DYM: variants seen among roughly 807,000 people sequenced by gnomAD.
DYM encodes the protein dymeclin.
Under a neutral mutation model 93.1 loss-of-function variants are expected in DYM, and 78 were observed. The ratio of observed to expected loss-of-function variants is 0.84; its 90% CI spans 0.70 to 1.01. The LOEUF (loss-of-function observed/expected upper bound fraction) is 1.01, where lower values mean the gene tolerates loss of function less well. Among genes scored for constraint, DYM ranks in the 50% least tolerant of loss-of-function variants. DYM has a pLI of 0.00. For missense variants in DYM, 789 were observed against 845.0 expected (o/e 0.93, Z 0.82); for synonymous variants, 321 against 319.7 (o/e 1.00, Z -0.04).
At chr18:49,373,744 G>A (rs1336152401) in intron 5 of DYM, among the ~76,000 whole-genome samples, 1 of 152,120 alleles carries the variant, frequency 6.6e-6, no homozygotes, top group Non-Finnish European at 1.5e-5. Context: ...GTAAAAATAT[G>A]CACATTTTGT....
chr18:49,440,385 T>G (rs1236547489), intron 1 of DYM, among the ~76,000 whole-genome samples: 1 of 128,506 alleles, frequency 7.8e-6, no homozygotes, highest in Non-Finnish European at 1.6e-5. Flanking sequence ...ATATTATATA[T>G]GATATATAAT....
At chr18:49,093,717 G>A (rs1295071951) in intron 17 of DYM, among the ~76,000 whole-genome samples, 1 of 152,148 alleles carries the variant, frequency 6.6e-6, no homozygotes, top group Non-Finnish European at 1.5e-5. Flanking sequence ...GGTTGTTCCT[G>A]TGGGACCCCA....
intron 5 of DYM, among the ~76,000 whole-genome samples, chr18:49,373,388 T>C (rs4939577): frequency 0.69 from 105,642 of 152,086 alleles, 37,021 homozygotes; most frequent in Admixed American, 0.75. Context: ...GTAGATTATT[T>C]ATGCCTCCCC....
At chr18:49,081,839 T>TG (rs1271192462) in intron 17 of DYM, among the ~76,000 whole-genome samples, 2 of 152,244 alleles carry the variant, frequency 1.3e-5, no homozygotes, top group Non-Finnish European at 1.5e-5. Context: ...GCCCCACCTC[T>TG]GCTCTGTGTG....
chr18:49,203,871 TAAAAA>T (rs71165370), intron 14 of DYM, among the ~76,000 whole-genome samples: 9 of 63,548 alleles, frequency 1.4e-4, no homozygotes, highest in South Asian at 1.4e-3. Context: ...TTTAAAAAAG[TAAAAA>T]AAAAAAAAAA....
chr18:49,233,286 G>A (rs1237721919), intron 13 of DYM, among the ~76,000 whole-genome samples: 1 of 151,550 alleles, frequency 6.6e-6, no homozygotes, highest in Non-Finnish European at 1.5e-5. Context: ...TGGAACCCAG[G>A]AGGGAGAGGC....
intron 13 of DYM, among the ~76,000 whole-genome samples, chr18:49,241,904 CGTTAA>C (rs1391671995): frequency 2.6e-5 from 4 of 152,168 alleles, no homozygotes; most frequent in Non-Finnish European, 5.9e-5. Flanking sequence ...CTTCGACTGT[CGTTAA>C]GTTAATAATG....
chr18:49,289,742 T>TATATATATATATATATACAC (rs2059933643), intron 8 of DYM, among the ~76,000 whole-genome samples: 1 of 20,962 alleles, frequency 4.8e-5, no homozygotes, highest in African/African-American at 1.7e-4. Flanking sequence ...TATATATATA[T>TATATATATATATATATACAC]ATATATATAT....
chr18:49,358,136 T>A (rs2065723920), intron 6 of DYM, among the ~76,000 whole-genome samples: 1 of 151,790 alleles, frequency 6.6e-6, no homozygotes, highest in Non-Finnish European at 1.5e-5. Flanking sequence ...GGTGACAGAG[T>A]GGGAATCCCA....
At chr18:49,055,090 CAG>C (rs1369853699) in intron 17 of DYM, among the ~76,000 whole-genome samples, 1 of 152,140 alleles carries the variant, frequency 6.6e-6, no homozygotes. Context: ...TGGGAAGGTA[CAG>C]ACTCTCCTGC....
At chr18:49,068,704 C>CT (rs1401546458) in intron 17 of DYM, among the ~76,000 whole-genome samples, 1 of 152,146 alleles carries the variant, frequency 6.6e-6, no homozygotes, top group Non-Finnish European at 1.5e-5. Flanking sequence ...GGAGAAATTC[C>CT]TTTTTTTCCC....
rs1466943910 is a variant in DYM at position 49,440,048 on chromosome 18, AT to A, written c.-53-9602del. Among the ~76,000 whole-genome samples, 15 of 145,360 alleles carry A rather than the reference AT, an allele frequency of 1.0e-4. 1 individual carries two copies. Among genetic ancestry groups the A allele is most frequent in the African/African-American group, 3.7e-4 (15 of 40,206 alleles). On this transcript the variant is annotated intron_variant, in intron 1 of 17. Coordinates refer to ENST00000675505, the MANE Select transcript of DYM (RefSeq NM_001353214.3). ...AATAAATAAATAAATAAATAAATAAATAAATAAAACATGATATGCTCAATAT... is the reference window on the plus strand; with the variant it reads ...AATAAATAAATAAATAAATAAATAAAAAATAAAACATGATATGCTCAATAT...
In DYM at chr18:49,443,088, T is replaced by C. The variant is rs2081795610; in HGVS notation, c.-53-12641A>G. ...GTCTCAAACTCCTGACCTCAGGTGA[T>C]CTGCCCACATTAGCCTCCCAAAATG... On this transcript the variant is annotated intron_variant, in intron 1 of 17. Coordinates refer to ENST00000675505, the MANE Select transcript of DYM (RefSeq NM_001353214.3). Among the ~76,000 whole-genome samples the C allele has an allele frequency of 2.0e-5, 3 of 152,180 alleles. No individual in the cohort carries two copies. The South Asian group carries it at 6.2e-4, about 32-fold the overall frequency.
intron 17 of DYM, among the ~76,000 whole-genome samples, chr18:49,050,761 T>C (rs549926475): frequency 2.0e-5 from 3 of 152,250 alleles, no homozygotes; most frequent in African/African-American, 7.2e-5. Context: ...CACTGGCTTA[T>C]TGCCTTCACA....
At chr18:49,193,369 A>C (rs1012473846) in intron 14 of DYM, among the ~76,000 whole-genome samples, 2 of 152,172 alleles carry the variant, frequency 1.3e-5, no homozygotes, top group African/African-American at 4.8e-5. Flanking sequence ...TCTAAAGATC[A>C]TTTAAAAACA....
intron 5 of DYM, among the ~76,000 whole-genome samples, chr18:49,376,423 A>G (rs1372574137): frequency 6.6e-6 from 1 of 152,236 alleles, no homozygotes; most frequent in East Asian, 1.9e-4. Flanking sequence ...ACAGAAAACA[A>G]AAGATTGCTG....
chr18:49,214,854 T>C (rs2092953694), intron 13 of DYM, among the ~76,000 whole-genome samples: 1 of 152,216 alleles, frequency 6.6e-6, no homozygotes, highest in South Asian at 2.1e-4. Context: ...TGATTCATTT[T>C]AGTGGATGGG....
At chr18:49,212,903 T>C (rs148617132) in intron 13 of DYM, among the ~76,000 whole-genome samples, 33 of 152,300 alleles carry the variant, frequency 2.2e-4, no homozygotes, top group Non-Finnish European at 3.1e-4. Context: ...TAAAATGTCA[T>C]TCTGACCTCT....
chr18:49,210,046 C>T (rs2092709364), intron 13 of DYM, among the ~76,000 whole-genome samples: 1 of 152,172 alleles, frequency 6.6e-6, no homozygotes, highest in Non-Finnish European at 1.5e-5. Context: ...AAATCCAGAG[C>T]ATGGATTACA....
Sources: gnomAD v4.1 joint callset for allele counts (sites outside exome capture counted in the v4.1 genomes callset) on GRCh38, gnomAD v4.1.1 for gene constraint, MANE v1.5 for transcripts, NCBI Gene and HGNC (gene_info 2026-07-23, HGNC 2026-07-21) for gene names.